The following SV2C variants were observed in gnomAD, a reference collection of about 807,000 sequenced individuals.
SV2C encodes the protein solute carrier family 22 member B3.
In SV2C, 49 loss-of-function variants were observed where a neutral mutation model predicts 79.7. The observed-to-expected ratio is 0.61, with a 90% CI of 0.49 to 0.78. The LOEUF is 0.78. Ranked by LOEUF, SV2C falls within the 30% of genes least tolerant of loss-of-function variation. SV2C has a pLI of 0.00. For missense variants in SV2C, 833 were observed against 912.9 expected (o/e 0.91, Z 1.13); for synonymous variants, 334 against 333.2 (o/e 1.00, Z -0.03).
At chr5:76,120,259 A>G (rs1023037202) in intron 1 of SV2C, among the ~76,000 whole-genome samples, 3 of 148,144 alleles carry the variant, frequency 2.0e-5, no homozygotes, top group African/African-American at 7.7e-5. Flanking sequence ...ATGAAAAATA[A>G]GAGTGAAAAA....
At chr5:76,130,145 TAAAAAAAAAAAAAAAA>T (rs375351450) in intron 1 of SV2C, among the ~76,000 whole-genome samples, 34,671 of 68,998 alleles carry the variant, frequency 0.5, 7,286 homozygotes, top group Middle Eastern at 0.66. Context: ...TCTCAGTTCT[TAAAAAAAAAAAAAAAA>T]AAAAAAAAAA....
the SV2C span, among the ~76,000 whole-genome samples, chr5:75,915,779 G>T: frequency 6.6e-6 from 1 of 152,178 alleles, no homozygotes; most frequent in South Asian, 2.1e-4. Flanking sequence ...TCCAGGAATG[G>T]GTAGGTTAAG....
chr5:75,922,528 T>C, the SV2C span, among the ~76,000 whole-genome samples: 4 of 152,252 alleles, frequency 2.6e-5, no homozygotes, highest in African/African-American at 9.6e-5. Context: ...TGTAAATCAG[T>C]ATAACCTTTC....
rs141787077 is a variant in SV2C at position 76,325,930 on chromosome 5, A to C, written c.*383A>C. The C allele has an allele frequency of 2.3e-3, 387 of 166,646 alleles. 2 individuals are homozygous for C. Among genetic ancestry groups the C allele is most frequent in the African/African-American group, 9.0e-3 (376 of 42,000 alleles). The allele number at this position is 166,646 out of a possible 1,614,324, so 10.3% of individuals were successfully genotyped here. A position where few individuals can be genotyped will look rare whatever the true frequency, so the allele number is the denominator to read the frequency against. On this transcript the variant is annotated 3_prime_UTR_variant, in exon 13 of 13. Transcript: ENST00000502798. ...CTGCTCCTAATTTAACATTAACAGG[A>C]AATATAAGTCGGCACATTATTGCAT...
At chr5:76,123,033 G>A (rs1328960426) in intron 1 of SV2C, among the ~76,000 whole-genome samples, 2 of 151,834 alleles carry the variant, frequency 1.3e-5, no homozygotes, top group African/African-American at 4.8e-5. Flanking sequence ...AATGATAAAG[G>A]GGATATGGGA....
At chr5:76,226,789 G>A (rs766281386) in intron 4 of SV2C, among the ~76,000 whole-genome samples, 3 of 152,178 alleles carry the variant, frequency 2.0e-5, no homozygotes, top group Non-Finnish European at 4.4e-5. Flanking sequence ...AGACACGGGT[G>A]ATGGGCCTGT....
At chr5:76,094,798 T>C (rs1747496188) in intron 1 of SV2C, among the ~76,000 whole-genome samples, 1 of 152,170 alleles carries the variant, frequency 6.6e-6, no homozygotes, top group South Asian at 2.1e-4. Flanking sequence ...GCTTGCTTTC[T>C]TATTGTTGAA....
chr5:75,932,388 T>C, the SV2C span, among the ~76,000 whole-genome samples: 1 of 152,176 alleles, frequency 6.6e-6, no homozygotes, highest in Admixed American at 6.5e-5. Context: ...AGCTCGGTTG[T>C]GGAGACCCGA....
the SV2C span, among the ~76,000 whole-genome samples, chr5:76,018,533 C>T: frequency 6.6e-6 from 1 of 152,064 alleles, no homozygotes; most frequent in Admixed American, 6.5e-5. Context: ...GAGATATGTG[C>T]AAGATATTGC....
chr5:76,079,924 A>G (rs71629000), upstream of SV2C, among the ~76,000 whole-genome samples: 264 of 151,966 alleles, frequency 1.7e-3, no homozygotes, highest in Non-Finnish European at 2.9e-3. Context: ...TGGCAAATGT[A>G]TATTTTGATG....
At chr5:75,902,358 A>G in the SV2C span, among the ~76,000 whole-genome samples, 2 of 152,222 alleles carry the variant, frequency 1.3e-5, no homozygotes, top group Non-Finnish European at 1.5e-5. Flanking sequence ...CAAGAAATTC[A>G]GGCTACTGTG....
At chr5:76,041,124 G>T in the SV2C span, among the ~76,000 whole-genome samples, 1 of 152,250 alleles carries the variant, frequency 6.6e-6, no homozygotes, top group East Asian at 1.9e-4. Flanking sequence ...TTCTTGTGGG[G>T]CTTGAGCAAG....
the SV2C span, among the ~76,000 whole-genome samples, chr5:75,908,289 C>T: frequency 1.3e-5 from 2 of 152,248 alleles, no homozygotes; most frequent in East Asian, 3.9e-4. Flanking sequence ...TAATATGTTG[C>T]CTTTTGTGTC....
At chr5:76,232,834 T>G (rs1745469759) in intron 4 of SV2C, among the ~76,000 whole-genome samples, 1 of 143,658 alleles carries the variant, frequency 7.0e-6, no homozygotes, top group African/African-American at 3.0e-5. Flanking sequence ...CTGTTTTGGT[T>G]ACTGTAGCCT....
At chr5:76,033,750 T>G in the SV2C span, among the ~76,000 whole-genome samples, 2 of 152,324 alleles carry the variant, frequency 1.3e-5, no homozygotes, top group African/African-American at 4.8e-5. Flanking sequence ...TGGTTCCATA[T>G]GAACTTTCAA....
the SV2C span, among the ~76,000 whole-genome samples, chr5:75,953,519 C>T: frequency 6.6e-6 from 1 of 151,992 alleles, no homozygotes; most frequent in Non-Finnish European, 1.5e-5. Context: ...TAAAGTCCTT[C>T]AACTTTTTAA....
chr5:76,330,065 A>C lies in SV2C; in HGVS notation c.*4518A>C, dbSNP rs1433979416. ...TTCTCTTGTTATCTGTAATGTAGAC[A>C]AAAAAAAAAAAAAACCTGTTAGTAT... is the stretch of plus-strand genomic sequence containing the variant. On this transcript the variant is annotated 3_prime_UTR_variant, in exon 13 of 13. Transcript: ENST00000502798. 3.9e-4 allele frequency: 12 copies of C among 30,690 alleles called. No individual in the cohort carries two copies. The highest frequency in any genetic ancestry group is 7.9e-4 in the Non-Finnish European group (9 of 11,380). 1.9% of individuals were successfully genotyped at this position (30,690 alleles called of 1,614,324 possible). A position where few individuals can be genotyped will look rare whatever the true frequency, so the allele number is the denominator to read the frequency against.
chr5:76,200,689 G>T (rs113709228), intron 3 of SV2C, among the ~76,000 whole-genome samples: 5,804 of 152,156 alleles, frequency 0.038, 354 homozygotes, highest in African/African-American at 0.13. Flanking sequence ...ACCCAGGCTG[G>T]AATGCAGTGG....
intron 8 of SV2C, among the ~76,000 whole-genome samples, chr5:76,292,507 G>A (rs1000639340): frequency 6.6e-6 from 1 of 152,128 alleles, no homozygotes; most frequent in East Asian, 1.9e-4. Context: ...TGAGTGTGGT[G>A]CCATCCACCT....
Sources: gnomAD v4.1 joint callset for allele counts (sites outside exome capture counted in the v4.1 genomes callset) on GRCh38, gnomAD v4.1.1 for gene constraint, MANE v1.5 for transcripts, NCBI Gene and HGNC (gene_info 2026-07-23, HGNC 2026-07-21) for gene names.